RBFOX1: variants seen among roughly 807,000 people sequenced by gnomAD.
The protein encoded by RBFOX1 is RNA binding fox-1 homolog 1, also known as RNA binding protein fox-1 homolog 1.
A neutral mutation model predicts 57.7 loss-of-function variants in RBFOX1; 8 were observed. That is an observed-to-expected ratio of 0.14 (90% confidence interval 0.08 to 0.25). The LOEUF (loss-of-function observed/expected upper bound fraction) is 0.25. Ranked by LOEUF, RBFOX1 falls within the 10% of genes least tolerant of loss-of-function variation. The pLI is 1.00. For synonymous variants in RBFOX1, 326 were observed against 222.4 expected (o/e 1.47, Z -4.15); for missense variants, 611 against 548.5 (o/e 1.11, Z -1.14).
chr16:6,244,158 T>G (rs2097555923), intron 1 of RBFOX1, among the ~76,000 whole-genome samples: 1 of 152,218 alleles, frequency 6.6e-6, no homozygotes, highest in Non-Finnish European at 1.5e-5. Context: ...CCATTATCCC[T>G]TCTAGTCTAC....
At chr16:6,082,796 G>T (rs1241363097) in intron 1 of RBFOX1, among the ~76,000 whole-genome samples, 1 of 152,106 alleles carries the variant, frequency 6.6e-6, no homozygotes, top group Non-Finnish European at 1.5e-5. Context: ...AGTTTGGCTT[G>T]TAACTAGCAG....
chr16:7,441,239 A>C (rs1005277781), intron 4 of RBFOX1, among the ~76,000 whole-genome samples: 2 of 152,200 alleles, frequency 1.3e-5, no homozygotes, highest in East Asian at 3.9e-4. Flanking sequence ...AAGCTCTGCA[A>C]GGCTAGGAAT....
At chr16:6,690,653 C>G (rs1320215835) in intron 3 of RBFOX1, among the ~76,000 whole-genome samples, 1 of 152,000 alleles carries the variant, frequency 6.6e-6, no homozygotes, top group Non-Finnish European at 1.5e-5. Context: ...AATCATAAAC[C>G]TCTGCTTTTA....
chr16:6,385,009 C>A (rs544565503), intron 2 of RBFOX1, among the ~76,000 whole-genome samples: 2 of 152,286 alleles, frequency 1.3e-5, no homozygotes, highest in Admixed American at 6.5e-5. Flanking sequence ...TTCAGCAGCA[C>A]CCCCTCCCTG....
chr16:6,538,446 T>A (rs2096764897), intron 2 of RBFOX1, among the ~76,000 whole-genome samples: 1 of 152,094 alleles, frequency 6.6e-6, no homozygotes, highest in African/African-American at 2.4e-5. Context: ...GAGTGGTGAT[T>A]GCGCTACTGC....
At chr16:7,457,180 C>A (rs1567267191) in intron 4 of RBFOX1, among the ~76,000 whole-genome samples, 1 of 152,100 alleles carries the variant, frequency 6.6e-6, no homozygotes, top group Non-Finnish European at 1.5e-5. Context: ...AGCCACCGCG[C>A]CTGGCCTTGG....
At chr16:6,180,018 T>C (rs1312226053) in intron 1 of RBFOX1, among the ~76,000 whole-genome samples, 1 of 152,216 alleles carries the variant, frequency 6.6e-6, no homozygotes, top group African/African-American at 2.4e-5. Flanking sequence ...GTTTTTTCCA[T>C]GTGTGGCTGC....
At chr16:7,688,191 T>C (rs948750759) in intron 14 of RBFOX1, among the ~76,000 whole-genome samples, 3 of 149,202 alleles carry the variant, frequency 2.0e-5, no homozygotes, top group Admixed American at 6.7e-5. Flanking sequence ...GCTGTAGGGA[T>C]TGCCTAGTAG....
At chr16:6,964,258 A>T (rs1383138965) in intron 3 of RBFOX1, among the ~76,000 whole-genome samples, 1 of 152,022 alleles carries the variant, frequency 6.6e-6, no homozygotes, top group Non-Finnish European at 1.5e-5. Flanking sequence ...ATCTCAAGTG[A>T]TGCACCCCCC....
intron 2 of RBFOX1, among the ~76,000 whole-genome samples, chr16:6,565,462 T>G (rs1352619364): frequency 1.3e-5 from 2 of 151,476 alleles, no homozygotes; most frequent in African/African-American, 4.9e-5. Flanking sequence ...TTTCACCATG[T>G]TAGCCAGGAT....
chr16:6,843,058 A>G (rs1328333293), intron 3 of RBFOX1, among the ~76,000 whole-genome samples: 2 of 152,088 alleles, frequency 1.3e-5, no homozygotes, highest in Non-Finnish European at 2.9e-5. Flanking sequence ...CGTGTTCTTT[A>G]TCCTTGATGG....
chr16:5,378,630 T>C (rs1355360421), intron 1 of RBFOX1, among the ~76,000 whole-genome samples: 2 of 151,516 alleles, frequency 1.3e-5, no homozygotes, highest in Non-Finnish European at 2.9e-5. Context: ...AGAATGGCCC[T>C]GGGTAAACTG....
intron 3 of RBFOX1, among the ~76,000 whole-genome samples, chr16:5,855,976 C>CTTTTTTTTT (rs1160702604): frequency 1.3e-5 from 1 of 77,702 alleles, no homozygotes; most frequent in South Asian, 4.2e-4. Context: ...GTATGTTATT[C>CTTTTTTTTT]TTTTTTTTTT....
chr16:7,248,501 C>T (rs1482524941), intron 4 of RBFOX1, among the ~76,000 whole-genome samples: 1 of 152,184 alleles, frequency 6.6e-6, no homozygotes, highest in Non-Finnish European at 1.5e-5. Context: ...GCTGGCTTAG[C>T]TGAATTAGGG....
intron 4 of RBFOX1, among the ~76,000 whole-genome samples, chr16:5,909,200 C>G (rs2058552992): frequency 6.7e-6 from 1 of 148,684 alleles, no homozygotes; most frequent in African/African-American, 2.5e-5. Context: ...TCACGCCATT[C>G]TCCTGCTTCA....
At chr16:6,986,188 A>ATTTATTTAT (rs2090223371) in intron 3 of RBFOX1, among the ~76,000 whole-genome samples, 3 of 146,098 alleles carry the variant, frequency 2.1e-5, no homozygotes, top group Admixed American at 1.4e-4. Flanking sequence ...TTCTATTTTT[A>ATTTATTTAT]TTTATTTATT....
In RBFOX1 at chr16:5,653,384, C is replaced by T. The variant is rs993366179; in HGVS notation, c.318+54423C>T. ...TGGAGCCATGTGCTGGGCCTATATG[C>T]GGAAGGTGGGGTGCTGAGCCGTGTG... On this transcript the variant is annotated intron_variant, in intron 3 of 19. Coordinates refer to the RBFOX1 transcript ENST00000641259. 9.7e-5 allele frequency among the ~76,000 whole-genome samples: 14 copies of T among 144,304 alleles called. No homozygotes were observed. In the East Asian group the frequency reaches 1.9e-3, roughly 20 times the overall value. 94.7% of individuals were successfully genotyped at this position (144,304 alleles called of 152,430 possible).
At chr16:7,039,431 A>G (rs2045495392) in intron 3 of RBFOX1, among the ~76,000 whole-genome samples, 1 of 152,286 alleles carries the variant, frequency 6.6e-6, no homozygotes, top group Admixed American at 6.5e-5. Context: ...TATTTTCTCA[A>G]GTGTATTTTG....
At chr16:7,407,132 G>A (rs1485692835) in intron 4 of RBFOX1, among the ~76,000 whole-genome samples, 2 of 152,122 alleles carry the variant, frequency 1.3e-5, no homozygotes, top group African/African-American at 4.8e-5. Flanking sequence ...ACCTTTAGTG[G>A]TGATTTGTGC....
Sources: gnomAD v4.1 joint callset for allele counts (sites outside exome capture counted in the v4.1 genomes callset) on GRCh38, gnomAD v4.1.1 for gene constraint, MANE v1.5 for transcripts, NCBI Gene and HGNC (gene_info 2026-07-23, HGNC 2026-07-21) for gene names.